The following DDX46 variants were observed in gnomAD, a reference collection of about 807,000 sequenced individuals.
DDX46 encodes DEAD-box helicase 46, also known as probable ATP-dependent RNA helicase DDX46.
A neutral mutation model predicts 134.9 loss-of-function variants in DDX46; 30 were observed. The observed-to-expected ratio is 0.22, with a 90% CI of 0.17 to 0.30. DDX46 has a LOEUF of 0.30. Among genes scored for constraint, DDX46 ranks in the 10% least tolerant of loss-of-function variants. The probability of loss-of-function intolerance (pLI) is 1.00; values close to 1 mark genes in which losing one functional copy is unlikely to be tolerated. For synonymous variants in DDX46, 415 were observed against 404.1 expected (o/e 1.03, Z -0.32); for missense variants, 622 against 1,248.7 (o/e 0.50, Z 7.56).
intron 3 of DDX46, among the ~76,000 whole-genome samples, chr5:134,768,181 C>G (rs1753639994): frequency 6.6e-6 from 1 of 151,422 alleles, no homozygotes; most frequent in South Asian, 2.1e-4. Flanking sequence ...GCAATCTCGG[C>G]TCACTGCAAC....
rs561224936 is a variant in DDX46 at position 134,761,300 on chromosome 5, C to G, written c.17+2345C>G. 8.5e-5 allele frequency among the ~76,000 whole-genome samples: 13 copies of G among 152,334 alleles called. No individual in the cohort carries two copies. In the South Asian group the frequency reaches 2.3e-3, roughly 27 times the overall value. ...TTGGCCTGCCAAAATGCTGGGATTA[C>G]AGGCATGAGCCGCTGTGCCCAGCCA... On this transcript the variant is annotated intron_variant, in intron 1 of 22. Coordinates refer to ENST00000452510, the MANE Select transcript of DDX46 (RefSeq NM_001300860.2).
At chr5:134,776,576 G>A (rs1360641454) in intron 5 of DDX46, among the ~76,000 whole-genome samples, 8 of 152,044 alleles carry the variant, frequency 5.3e-5, no homozygotes, top group Non-Finnish European at 8.8e-5. Flanking sequence ...CTTCCATGTG[G>A]ACCCATGCAG....
In DDX46 at chr5:134,796,157, A is replaced by G; in HGVS notation, c.1954+7A>G. The G allele has an allele frequency of 6.2e-7, 1 of 1,612,008 alleles. No individual in the cohort carries two copies. Among genetic ancestry groups the G allele is most frequent in the Non-Finnish European group, 8.5e-7 (1 of 1,179,554 alleles). On this transcript the variant is annotated splice_region_variant and intron_variant, in intron 15 of 22. Coordinates refer to ENST00000452510, the MANE Select transcript of DDX46 (RefSeq NM_001300860.2). Reference sequence around the variant, plus strand: ...TGCATGTCTCTTCATGGAGGTAATTATTCACTTGATTCACACATAAAATAT... The same window carrying G: ...TGCATGTCTCTTCATGGAGGTAATTGTTCACTTGATTCACACATAAAATAT...
At chr5:134,760,834 A>C (rs553869853) in intron 1 of DDX46, among the ~76,000 whole-genome samples, 6 of 152,204 alleles carry the variant, frequency 3.9e-5, no homozygotes, top group East Asian at 1.9e-4. Context: ...GGTTCACGCC[A>C]TTCTCCTGCC....
rs1434300018 is a variant in DDX46 at position 134,783,058 on chromosome 5, C to G, written c.1159C>G (p.Leu387Val). The G allele has an allele frequency of 6.2e-7, 1 of 1,612,922 alleles. No individual in the cohort carries two copies. The highest frequency in any genetic ancestry group is 1.3e-5 in the African/African-American group (1 of 74,870). ...AATTTCCATGAAGATCTTAAATTCCCTCAAGAAGTAAGTGGTTGGTGGTTG... is the reference window on the plus strand; with the variant it reads ...AATTTCCATGAAGATCTTAAATTCCGTCAAGAAGTAAGTGGTTGGTGGTTG... ...CGISMKILNS[L>V]KKHGYEKPTP... The change falls in exon 9 of 23, where the codon CTC (leucine) becomes GTC (valine). Residue 387 changes from leucine (L) to valine (V), a missense_variant. Leu to Val is a conservative substitution (Grantham distance 32). Around this residue, in one of 8 missense-constraint regions of DDX46, gnomAD observed 209 missense variants for 508.4 expected, o/e 0.41. Coordinates refer to ENST00000452510, the MANE Select transcript of DDX46 (RefSeq NM_001300860.2).
At chr5:134,798,883 A>G (rs1754745579) in intron 15 of DDX46, among the ~76,000 whole-genome samples, 1 of 152,244 alleles carries the variant, frequency 6.6e-6, no homozygotes, top group Non-Finnish European at 1.5e-5. Flanking sequence ...TAGACTGCAG[A>G]TTGAAAATAT....
intron 11 of DDX46, among the ~76,000 whole-genome samples, chr5:134,787,559 GTTTATC>G (rs1754376046): frequency 6.6e-6 from 1 of 152,136 alleles, no homozygotes; most frequent in Admixed American, 6.5e-5. Flanking sequence ...CATTTTCTAA[GTTTATC>G]TTTATGATTT....
chr5:134,825,573 TA>T (rs1755568000), intron 21 of DDX46, among the ~76,000 whole-genome samples: 1 of 152,206 alleles, frequency 6.6e-6, no homozygotes, highest in Admixed American at 6.5e-5. Flanking sequence ...CACGGAATGA[TA>T]AAAATATAGC....
intron 11 of DDX46, 74 bp from the exon 12 acceptor site, chr5:134,788,439 G>C: frequency 4.8e-6 from 6 of 1,254,448 alleles, no homozygotes; most frequent in Non-Finnish European, 6.9e-6. Context: ...GACTAGGCAA[G>C]AACTAAATGC....
At chr5:134,788,639 C>CTT in intron 12 of DDX46, 48 bp downstream of exon 12, 1 of 1,524,646 alleles carries the variant, frequency 6.6e-7, no homozygotes, top group African/African-American at 1.4e-5. Flanking sequence ...GAATTCTTTA[C>CTT]TTTTTTTTGT....
chr5:134,788,412 TG>T (rs1754405913), intron 11 of DDX46, 100 bp from the exon 12 acceptor site: 1 of 899,320 alleles, frequency 1.1e-6, no homozygotes, highest in Non-Finnish European at 1.7e-6. Context: ...GCAGGAAGCT[TG>T]GAAGTCTTCT....
At chr5:134,787,313 G>A (rs1257379955) in intron 11 of DDX46, among the ~76,000 whole-genome samples, 4 of 152,168 alleles carry the variant, frequency 2.6e-5, no homozygotes, top group Non-Finnish European at 5.9e-5. Flanking sequence ...TTCTGTGATT[G>A]GATAAGTTTT....
At chr5:134,779,970 ACGCCT>A (rs1754082416) in intron 6 of DDX46, among the ~76,000 whole-genome samples, 1 of 152,128 alleles carries the variant, frequency 6.6e-6, no homozygotes, top group Non-Finnish European at 1.5e-5. Flanking sequence ...GTGATGGCGG[ACGCCT>A]CTAATCCAAG....
intron 21 of DDX46, among the ~76,000 whole-genome samples, chr5:134,819,891 TTA>T (rs1755394614): frequency 6.6e-6 from 1 of 151,886 alleles, no homozygotes; most frequent in African/African-American, 2.4e-5. Context: ...CTGTCACACT[TTA>T]TTTATGTTTT....
At chr5:134,800,873 G>T (rs1332419159) in intron 15 of DDX46, among the ~76,000 whole-genome samples, 1 of 152,054 alleles carries the variant, frequency 6.6e-6, no homozygotes, top group Non-Finnish European at 1.5e-5. Flanking sequence ...ATGGGTTGTC[G>T]TCATGTTGGT....
chr5:134,828,760 G>A lies in DDX46; in HGVS notation c.*54G>A, dbSNP rs192925275. 16 of 1,256,460 alleles carry A rather than the reference G, an allele frequency of 1.3e-5. No homozygotes were observed. The East Asian group carries it at 3.9e-4, about 30-fold the overall frequency. The allele number at this position is 1,256,460 out of a possible 1,614,324, so 77.8% of individuals were successfully genotyped here. On this transcript the variant is annotated 3_prime_UTR_variant, in exon 23 of 23. Transcript: ENST00000452510. ...CTGGTCTATGATGTATGTGGCAGTT[G>A]CTGTCTGCAGTTTACAATGTATTGT...
intron 8 of DDX46, 35 bp from the exon 9 acceptor site, chr5:134,782,910 A>G: frequency 6.2e-7 from 1 of 1,604,338 alleles, no homozygotes; most frequent in Non-Finnish European, 8.5e-7. Flanking sequence ...ATAGAACAAT[A>G]TTTAAGAACT....
At chr5:134,774,039 G>T (rs1402614290) in intron 5 of DDX46, among the ~76,000 whole-genome samples, 178 bp downstream of exon 5, 3 of 152,156 alleles carry the variant, frequency 2.0e-5, no homozygotes, top group African/African-American at 7.2e-5. Flanking sequence ...GTGTTGTGCA[G>T]TCGTTACCAC....
At position 134,758,910 on chromosome 5, in the gene DDX46, A is replaced by G. The variant is rs749415770; in HGVS notation, c.-29A>G. ...CCGGTTCGCCTGTGCGTGGTACTCA[A>G]GGGCACCAGTATTCCCGCGGTCGGC... On this transcript the variant is annotated 5_prime_UTR_variant, in exon 1 of 23. Coordinates refer to ENST00000452510, the MANE Select transcript of DDX46 (RefSeq NM_001300860.2). 5 of 1,613,512 alleles carry G rather than the reference A, an allele frequency of 3.1e-6. No homozygotes were observed. The highest frequency in any genetic ancestry group is 4.5e-5 in the East Asian group (2 of 44,836).
Sources: allele counts gnomAD v4.1 joint callset (sites outside exome capture counted in the v4.1 genomes callset), GRCh38; gene constraint gnomAD v4.1.1; regional missense constraint gnomAD v4.1.1; transcripts MANE v1.5; gene names NCBI Gene and HGNC (gene_info 2026-07-23, HGNC 2026-07-21).